STARD13: variants seen among roughly 807,000 people sequenced by gnomAD.
STARD13 encodes the protein StAR related lipid transfer domain containing 13, also known as stAR-related lipid transfer protein 13.
STARD13 carries 62 observed loss-of-function variants against 106.4 expected under a neutral mutation model. The ratio of observed to expected loss-of-function variants is 0.58; its 90% confidence interval spans 0.48 to 0.72. The LOEUF (loss-of-function observed/expected upper bound fraction) is 0.72, where lower values mean the gene tolerates loss of function less well. Among genes scored for constraint, STARD13 ranks in the 30% least tolerant of loss-of-function variants. The probability of loss-of-function intolerance (pLI) is 0.00; values close to 1 mark genes in which losing one functional copy is unlikely to be tolerated. For synonymous variants in STARD13, 565 were observed against 553.0 expected, an observed-to-expected ratio of 1.02 and a Z score of -0.31; for missense variants, 1,387 against 1,424.0, an observed-to-expected ratio of 0.97 and a Z score of 0.42.
the STARD13 span, among the ~76,000 whole-genome samples, chr13:33,442,741 G>A: frequency 9.2e-4 from 140 of 152,258 alleles, no homozygotes; most frequent in Admixed American, 1.8e-3. Context: ...AGTAGTACAT[G>A]AAACATTAGA....
At chr13:33,579,488 C>T in the STARD13 span, among the ~76,000 whole-genome samples, 1 of 151,746 alleles carries the variant, frequency 6.6e-6, no homozygotes, top group Non-Finnish European at 1.5e-5. Context: ...ATTGGAGACT[C>T]AGAAGGAGGG....
Position 33,175,785 on chromosome 13 carries a change from TTC to T in STARD13, c.170-8165_170-8164del, listed in dbSNP as rs1884452774. Among the ~76,000 whole-genome samples, 4 of 152,356 alleles carry T rather than the reference TTC, an allele frequency of 2.6e-5. No individual in the cohort carries two copies. The South Asian group carries it at 8.3e-4, about 32-fold the overall frequency. ...TCCATCCTACATTGCTTTAAGATTT[TTC>T]TTTTTTAAATGTTAAAAAAATGCGT... On this transcript the variant is annotated intron_variant, in intron 1 of 13. Transcript: ENST00000336934.
chr13:33,107,518 C>T (rs569204207), intron 12 of STARD13, among the ~76,000 whole-genome samples: 33 of 152,214 alleles, frequency 2.2e-4, no homozygotes, highest in Admixed American at 1.4e-3. Flanking sequence ...TGAACTGGTA[C>T]GCTTAGCTTG....
the STARD13 span, among the ~76,000 whole-genome samples, chr13:33,529,386 T>C: frequency 6.6e-6 from 1 of 152,178 alleles, no homozygotes; most frequent in African/African-American, 2.4e-5. Flanking sequence ...TTTTCACTTG[T>C]ACATAGTTGA....
intron 1 of STARD13, among the ~76,000 whole-genome samples, chr13:33,248,657 G>A (rs1003908687): frequency 4.6e-5 from 7 of 151,812 alleles, no homozygotes; most frequent in African/African-American, 1.5e-4. Flanking sequence ...ATCTTCTTTT[G>A]TTTTGGTATT....
chr13:33,215,505 T>C (rs1190685037), intron 1 of STARD13, among the ~76,000 whole-genome samples: 2 of 152,222 alleles, frequency 1.3e-5, no homozygotes, highest in African/African-American at 2.4e-5. Flanking sequence ...TTCTTTTGAT[T>C]ATGATGTAGT....
chr13:33,111,852 T>G lies in STARD13; in HGVS notation c.2533A>C (p.Lys845Gln), dbSNP rs1192640912. 1 of 1,614,156 alleles carries G rather than the reference T, an allele frequency of 6.2e-7. No individual in the cohort carries two copies. Among genetic ancestry groups the G allele is most frequent in the Non-Finnish European group, 8.5e-7 (1 of 1,179,988 alleles). Residue 845 changes from lysine to glutamine, a missense_variant, in exon 10 of 14, where the codon AAG (lysine) becomes CAG (glutamine). Lys to Gln is a moderately conservative substitution (Grantham distance 53). Transcript: ENST00000336934. ...KKYATGKPDQKDLNENLAAAQ... is the reference protein window; with the variant it reads ...KKYATGKPDQQDLNENLAAAQ... ...GCTGCCAGATTCTCGTTGAGGTCCT[T>G]TTGATCTGGCTTCCCAGTGGCATAT...
chr13:33,499,614 TTCTTC>T, the STARD13 span, among the ~76,000 whole-genome samples: 2 of 79,012 alleles, frequency 2.5e-5, no homozygotes, highest in African/African-American at 1.1e-4. Context: ...TTTCTTCTTC[TTCTTC>T]TTCTTCTTCT....
At chr13:33,354,637 C>T (rs2078109020), upstream of STARD13, among the ~76,000 whole-genome samples, 1 of 152,114 alleles carries the variant, frequency 6.6e-6, no homozygotes, top group Non-Finnish European at 1.5e-5. Flanking sequence ...AATGACTATT[C>T]CTATAGTTTT....
chr13:33,290,095 G>A (rs974862213), upstream of STARD13, among the ~76,000 whole-genome samples: 8 of 152,078 alleles, frequency 5.3e-5, no homozygotes, highest in East Asian at 3.9e-4. Context: ...CCAGATTAGC[G>A]CTCAATGGAA....
chr13:33,357,777 A>G, the STARD13 span, among the ~76,000 whole-genome samples: 4 of 152,176 alleles, frequency 2.6e-5, no homozygotes, highest in Non-Finnish European at 5.9e-5. Flanking sequence ...TAAAAATACA[A>G]AAATTAACCG....
chr13:33,579,283 G>A, the STARD13 span, among the ~76,000 whole-genome samples: 1 of 152,162 alleles, frequency 6.6e-6, no homozygotes, highest in Admixed American at 6.5e-5. Context: ...TAAAGAAAAT[G>A]TGCTACTATA....
At chr13:33,352,159 C>A (rs888845433), upstream of STARD13, among the ~76,000 whole-genome samples, 2 of 152,172 alleles carry the variant, frequency 1.3e-5, no homozygotes, top group Non-Finnish European at 2.9e-5. Flanking sequence ...ACTGTGACAG[C>A]CGGTTATATA....
chr13:33,136,741 C>A (rs523780), intron 4 of STARD13, among the ~76,000 whole-genome samples: 49,618 of 152,060 alleles, frequency 0.33, 8,810 homozygotes, highest in Non-Finnish European at 0.41. Flanking sequence ...CTGAGAGCTG[C>A]TGTGTCGCTC....
chr13:33,196,444 C>T (rs984307605), intron 1 of STARD13, among the ~76,000 whole-genome samples: 2 of 152,012 alleles, frequency 1.3e-5, no homozygotes, highest in Non-Finnish European at 2.9e-5. Context: ...ATTGTTATGC[C>T]AGTATGCAAT....
At chr13:33,439,069 C>T in the STARD13 span, among the ~76,000 whole-genome samples, 109 of 152,200 alleles carry the variant, frequency 7.2e-4, no homozygotes, top group African/African-American at 2.4e-3. Context: ...TGTAAATGAC[C>T]GTATGAAGTG....
intron 1 of STARD13, among the ~76,000 whole-genome samples, chr13:33,338,362 A>G (rs2138583257): frequency 6.6e-6 from 1 of 152,324 alleles, no homozygotes; most frequent in East Asian, 1.9e-4. Context: ...TCTCATTTTA[A>G]TTAGGTCTCC....
At chr13:33,370,552 G>T in the STARD13 span, among the ~76,000 whole-genome samples, 5 of 150,494 alleles carry the variant, frequency 3.3e-5, no homozygotes, top group East Asian at 9.8e-4. Flanking sequence ...AAACAAAATT[G>T]TATTTTCTGA....
the STARD13 span, among the ~76,000 whole-genome samples, chr13:33,426,889 A>T: frequency 6.6e-6 from 1 of 152,208 alleles, no homozygotes; most frequent in Non-Finnish European, 1.5e-5. Context: ...TTCACATTTT[A>T]GATAAAGTTA....
Sources: allele counts gnomAD v4.1 joint callset (sites outside exome capture counted in the v4.1 genomes callset), GRCh38; gene constraint gnomAD v4.1.1; transcripts MANE v1.5; gene names NCBI Gene and HGNC (gene_info 2026-07-23, HGNC 2026-07-21).